CFAP47: variants seen among roughly 807,000 people sequenced by gnomAD.
CFAP47 encodes cilia and flagella associated protein 47.
A neutral mutation model predicts 148.1 loss-of-function variants in CFAP47; 29 were observed. The ratio of observed to expected loss-of-function variants is 0.20; its 90% CI spans 0.15 to 0.27. The LOEUF (loss-of-function observed/expected upper bound fraction) is 0.27. CFAP47 is among the 10% of genes least tolerant of loss of function. The probability of loss-of-function intolerance (pLI) is 1.00; values close to 1 mark genes in which losing one functional copy is unlikely to be tolerated. For missense variants in CFAP47, 1,872 were observed against 1,697.5 expected, an observed-to-expected ratio of 1.10 and a Z score of -1.81; for synonymous variants, 664 against 577.3, an observed-to-expected ratio of 1.15 and a Z score of -2.15.
intron 34 of CFAP47, 48 bp downstream of exon 34, chrX:36,138,103 T>G (rs1939075402): frequency 1.8e-6 from 1 of 549,735 alleles, no homozygotes; most frequent in Non-Finnish European, 2.9e-6. Context: ...TTAAAAAAAC[T>G]TAGTGATTAA....
intron 8 of CFAP47, among the ~76,000 whole-genome samples, chrX:35,965,403 C>T (rs1178358945): frequency 2.7e-5 from 3 of 111,354 alleles, no homozygotes; most frequent in Admixed American, 9.6e-5. Flanking sequence ...TCAAATTCAG[C>T]CATAGATGAG....
intron 29 of CFAP47, among the ~76,000 whole-genome samples, chrX:36,084,474 C>T (rs781604230): frequency 9.0e-6 from 1 of 111,284 alleles, no homozygotes; most frequent in East Asian, 2.8e-4. Flanking sequence ...ATTTCTTGCC[C>T]AGTGGAACGT....
intron 29 of CFAP47, among the ~76,000 whole-genome samples, chrX:36,076,233 G>T (rs746731661): frequency 1.9e-5 from 2 of 104,469 alleles, no homozygotes; most frequent in East Asian, 6.2e-4. Flanking sequence ...TAACGTGCAG[G>T]TTTGTTACAT....
intron 24 of CFAP47, among the ~76,000 whole-genome samples, 179 bp from the exon 25 acceptor site, chrX:36,038,805 G>A (rs1296000040): frequency 4.5e-5 from 5 of 112,207 alleles, no homozygotes; most frequent in Admixed American, 3.8e-4. Flanking sequence ...TCTTTCAACA[G>A]CACCTCATTA....
chrX:35,963,177 G>T (rs950378161), intron 8 of CFAP47, among the ~76,000 whole-genome samples: 4 of 110,187 alleles, frequency 3.6e-5, no homozygotes, highest in African/African-American at 9.9e-5. Flanking sequence ...AGTGGATGGC[G>T]AATAAGGAGA....
chrX:36,202,333 C>T (rs948342190), intron 44 of CFAP47, among the ~76,000 whole-genome samples: 9 of 111,392 alleles, frequency 8.1e-5, no homozygotes, highest in African/African-American at 2.6e-4. Context: ...TTCCAGCTAA[C>T]GTTTGTTAAA....
chrX:36,091,505 G>A (rs1227899571), intron 30 of CFAP47, among the ~76,000 whole-genome samples: 1 of 111,354 alleles, frequency 9.0e-6, no homozygotes, highest in Non-Finnish European at 1.9e-5. Context: ...GCTGAGGAGT[G>A]GTGTTACGTA....
At chrX:36,275,661 G>C (rs781804103) in intron 49 of CFAP47, among the ~76,000 whole-genome samples, 2 of 110,721 alleles carry the variant, frequency 1.8e-5, no homozygotes, top group Non-Finnish European at 3.8e-5. Context: ...TTCTTTTCTT[G>C]TAGTGTCTTT....
intron 53 of CFAP47, among the ~76,000 whole-genome samples, chrX:36,303,376 G>T (rs985580291): frequency 3.6e-5 from 4 of 110,691 alleles, no homozygotes; most frequent in Non-Finnish European, 7.6e-5. Flanking sequence ...GTAGAGACAG[G>T]TTCTTACTGT....
At chrX:36,300,574 C>T (rs952706388) in intron 52 of CFAP47, among the ~76,000 whole-genome samples, 4 of 111,797 alleles carry the variant, frequency 3.6e-5, no homozygotes, top group Non-Finnish European at 7.5e-5. Context: ...CAGGCATGAG[C>T]CACCACGTCC....
chrX:36,202,483 A>G (rs781866294), intron 44 of CFAP47, among the ~76,000 whole-genome samples: 2 of 111,238 alleles, frequency 1.8e-5, no homozygotes, highest in East Asian at 2.9e-4. Context: ...GCTTTGCTTC[A>G]AACATGCCAG....
chrX:36,374,933 C>A, intron 62 of CFAP47: 1 of 573,163 alleles, frequency 1.7e-6, no homozygotes, highest in Non-Finnish European at 3.0e-6. Context: ...TTTTCTAGAC[C>A]TTTGAGTTGC....
chrX:35,951,765 T>C, intron 5 of CFAP47, 38 bp from the exon 6 acceptor site: 1 of 1,047,209 alleles, frequency 9.5e-7, no homozygotes, highest in Non-Finnish European at 1.2e-6. Context: ...TTTTGTGTTT[T>C]GCCTTAATAC....
intron 5 of CFAP47, 114 bp from the exon 6 acceptor site, chrX:35,951,689 A>G (rs1936168184): frequency 1.3e-6 from 1 of 799,178 alleles, no homozygotes; most frequent in Non-Finnish European, 1.7e-6. Flanking sequence ...TACTTTAAAG[A>G]TAGATATTTG....
At position 36,071,831 on chromosome X, in the gene CFAP47, A is replaced by G. The variant is rs747834182; in HGVS notation, c.4325A>G (p.Asp1442Gly). ...KQNIILKNDK[D>G]EYLKKTRDGV... Reference sequence around the variant, plus strand: ...TCCAATGTGTCATTTGTAGATAAGGATGAATATCTTAAGAAGACTAGAGAT... The same window carrying G: ...TCCAATGTGTCATTTGTAGATAAGGGTGAATATCTTAAGAAGACTAGAGAT... Residue 1442 changes from aspartate (D) to glycine (G), a missense_variant, in exon 28 of 64, where the codon GAT becomes GGT. Transcript: ENST00000378653. The G allele has an allele frequency of 5.0e-5, 60 of 1,203,381 alleles. No homozygotes were observed. The highest frequency in any genetic ancestry group is 9.0e-6 in the Non-Finnish European group (8 of 892,278).
chrX:36,382,556 C>T (rs1942087093), intron 63 of CFAP47, among the ~76,000 whole-genome samples: 1 of 111,638 alleles, frequency 9.0e-6, no homozygotes, highest in Admixed American at 9.5e-5. Context: ...ACACAGACCA[C>T]ATTTGCTAAT....
At chrX:36,136,709 A>G in intron 33 of CFAP47, among the ~76,000 whole-genome samples, 1 of 111,274 alleles carries the variant, frequency 9.0e-6, no homozygotes, top group Non-Finnish European at 1.9e-5. Context: ...TTTATGTTCT[A>G]TATACATATA....
intron 49 of CFAP47, among the ~76,000 whole-genome samples, chrX:36,267,644 A>G (rs1226631770): frequency 4.5e-5 from 5 of 110,282 alleles, no homozygotes; most frequent in African/African-American, 1.7e-4. Flanking sequence ...ACACTCAGCT[A>G]ATTTTTTGTA....
rs767368235 is a variant in CFAP47, at chrX:35,923,958, T to C, written c.250-2059T>C. Among the ~76,000 whole-genome samples the C allele has an allele frequency of 2.7e-4, 21 of 77,654 alleles. 1 individual carries two copies. The East Asian group carries it at 6.8e-3, about 25-fold the overall frequency. The allele number at this position is 77,654 out of a possible 115,157, so 67.4% of individuals were successfully genotyped here. On this transcript the variant is annotated intron_variant, in intron 1 of 63. Transcript: ENST00000378653. The stretch of plus-strand genomic sequence containing the variant: ...GTATATATGTACATGTGTATATATG[T>C]ACATATATGTGTATGTATGTGTATA...
Sources: gnomAD v4.1 joint callset for allele counts (sites outside exome capture counted in the v4.1 genomes callset) on GRCh38, gnomAD v4.1.1 for gene constraint, MANE v1.5 for transcripts, NCBI Gene and HGNC (gene_info 2026-07-23, HGNC 2026-07-21) for gene names.